The following CMSS1 variants were observed in gnomAD, a reference collection of about 807,000 sequenced individuals.
The protein encoded by CMSS1 is protein CMSS1.
Under a neutral mutation model 43.5 loss-of-function variants are expected in CMSS1, and 33 were observed. The ratio of observed to expected loss-of-function variants is 0.76; its 90% CI spans 0.57 to 1.01. CMSS1 has a LOEUF of 1.01. Ranked by LOEUF, CMSS1 falls within the 50% of genes least tolerant of loss-of-function variation. CMSS1 has a pLI of 0.00. For synonymous variants in CMSS1, 115 were observed against 117.2 expected, an observed-to-expected ratio of 0.98 and a Z score of 0.12; for missense variants, 313 against 326.4, an observed-to-expected ratio of 0.96 and a Z score of 0.32.
chr3:99,924,398 A>G, intron 1 of CMSS1: 1 of 1,613,866 alleles, frequency 6.2e-7, no homozygotes, highest in East Asian at 2.2e-5. Context: ...TTTTTCCACA[A>G]CTTTGTCCAA....
chr3:100,111,023 C>A (rs933201670), intron 1 of CMSS1, among the ~76,000 whole-genome samples: 6 of 152,116 alleles, frequency 3.9e-5, no homozygotes, highest in Admixed American at 1.3e-4. Flanking sequence ...TTTTTTATTT[C>A]ATTACAATAA....
At chr3:100,072,706 C>A (rs7431827) in intron 1 of CMSS1, among the ~76,000 whole-genome samples, 11 of 152,122 alleles carry the variant, frequency 7.2e-5, no homozygotes, top group Non-Finnish European at 1.0e-4. Context: ...TACAGATTAT[C>A]TACTGGACAG....
At chr3:100,109,337 T>A (rs2066448889) in intron 1 of CMSS1, among the ~76,000 whole-genome samples, 1 of 152,136 alleles carries the variant, frequency 6.6e-6, no homozygotes, top group Non-Finnish European at 1.5e-5. Context: ...AAGGTATGCT[T>A]TACATATAGT....
intron 1 of CMSS1, among the ~76,000 whole-genome samples, chr3:99,903,441 G>A (rs1401095341): frequency 1.3e-5 from 2 of 152,008 alleles, no homozygotes; most frequent in East Asian, 1.9e-4. Flanking sequence ...TAGTAGAGAC[G>A]GGGTTTCACC....
At chr3:100,119,162 T>C (rs1430761901) in intron 1 of CMSS1, among the ~76,000 whole-genome samples, 1 of 152,226 alleles carries the variant, frequency 6.6e-6, no homozygotes, top group African/African-American at 2.4e-5. Flanking sequence ...TTTACAATTA[T>C]TACTGCACAT....
At chr3:100,167,961 G>C (rs1376393471) in intron 6 of CMSS1, 121 bp downstream of exon 6, 2 of 568,100 alleles carry the variant, frequency 3.5e-6, no homozygotes, top group Non-Finnish European at 3.1e-6. Flanking sequence ...TGCCCTCATG[G>C]AATTTATATT....
At chr3:100,113,067 GTAGT>G (rs1444572243) in intron 1 of CMSS1, among the ~76,000 whole-genome samples, 1 of 152,212 alleles carries the variant, frequency 6.6e-6, no homozygotes, top group African/African-American at 2.4e-5. Context: ...ATATGGTAGT[GTAGT>G]TAAACAGTGT....
chr3:99,880,191 C>G (rs986365560), intron 1 of CMSS1, among the ~76,000 whole-genome samples: 4 of 152,158 alleles, frequency 2.6e-5, no homozygotes, highest in African/African-American at 9.7e-5. Flanking sequence ...TCTCCATGCC[C>G]TAGACAATCA....
chr3:99,995,099 C>T (rs144215262), intron 1 of CMSS1, among the ~76,000 whole-genome samples: 1 of 152,256 alleles, frequency 6.6e-6, no homozygotes, highest in Admixed American at 6.5e-5. Context: ...AGTCCAAAGT[C>T]TCATCTGAGA....
At position 99,976,298 on chromosome 3, in the gene CMSS1, C is replaced by G. The variant is rs1708969799; in HGVS notation, c.64+158255C>G. On this transcript the variant is annotated intron_variant, in intron 1 of 9. Coordinates refer to ENST00000421999, the MANE Select transcript of CMSS1 (RefSeq NM_032359.4). ...TACTGTGGCCCATATGCTACGCGTT[C>G]CTGCTTATAACCAAATAATTATATA... Among the ~76,000 whole-genome samples, 2 of 152,090 alleles carry G rather than the reference C, an allele frequency of 1.3e-5. 1 individual carries two copies. Among genetic ancestry groups the G allele is most frequent in the Admixed American group, 1.3e-4 (2 of 15,258 alleles).
chr3:99,863,614 T>C (rs1030077821), intron 1 of CMSS1, among the ~76,000 whole-genome samples: 16 of 152,252 alleles, frequency 1.1e-4, no homozygotes, highest in African/African-American at 3.9e-4. Flanking sequence ...GGATAATTAA[T>C]TTTTCAGTCT....
At chr3:99,931,900 A>G (rs1254060150) in intron 1 of CMSS1, among the ~76,000 whole-genome samples, 1 of 152,186 alleles carries the variant, frequency 6.6e-6, no homozygotes, top group Admixed American at 6.5e-5. Context: ...TGAACTTATA[A>G]TTGACTCTAT....
At chr3:100,086,595 C>T (rs907517518) in intron 1 of CMSS1, among the ~76,000 whole-genome samples, 2 of 152,170 alleles carry the variant, frequency 1.3e-5, no homozygotes, top group Admixed American at 6.5e-5. Flanking sequence ...ACCAGGCTAA[C>T]GTCCAAAATA....
intron 1 of CMSS1, among the ~76,000 whole-genome samples, chr3:99,899,311 C>T (rs1388104306): frequency 6.6e-6 from 1 of 152,148 alleles, no homozygotes; most frequent in Non-Finnish European, 1.5e-5. Context: ...CAAGTTATTA[C>T]ACTTTATGGG....
intron 1 of CMSS1, among the ~76,000 whole-genome samples, chr3:99,904,779 C>G (rs1208117870): frequency 2.0e-5 from 3 of 152,154 alleles, no homozygotes; most frequent in African/African-American, 7.2e-5. Flanking sequence ...CTCTTTTGCT[C>G]TAGAATCTTC....
chr3:99,848,000 G>T, intron 1 of CMSS1: 1 of 1,090,566 alleles, frequency 9.2e-7, no homozygotes, highest in Non-Finnish European at 1.1e-6. Context: ...TCAAATTAAA[G>T]TGAGTTATGG....
At chr3:99,880,631 A>G (rs1227178749) in intron 1 of CMSS1, among the ~76,000 whole-genome samples, 2 of 152,086 alleles carry the variant, frequency 1.3e-5, no homozygotes, top group Non-Finnish European at 2.9e-5. Context: ...CATTAAAATG[A>G]TGATATTTTG....
At chr3:100,038,498 TC>T (rs1361701679) in intron 1 of CMSS1, among the ~76,000 whole-genome samples, 2 of 152,236 alleles carry the variant, frequency 1.3e-5, no homozygotes, top group African/African-American at 4.8e-5. Flanking sequence ...AGTTGTAGTT[TC>T]TTATTGACTG....
intron 2 of CMSS1, among the ~76,000 whole-genome samples, chr3:100,156,485 T>C (rs1306134206): frequency 1.3e-5 from 2 of 151,680 alleles, no homozygotes; most frequent in African/African-American, 4.8e-5. Flanking sequence ...ATTTTTGTAT[T>C]TTTAGTACAG....
Sources: gnomAD v4.1 joint callset for allele counts (sites outside exome capture counted in the v4.1 genomes callset) on GRCh38, gnomAD v4.1.1 for gene constraint, MANE v1.5 for transcripts, NCBI Gene and HGNC (gene_info 2026-07-23, HGNC 2026-07-21) for gene names.